Variants in BPIFB6 observed in about 807,000 individuals in gnomAD.
The protein encoded by BPIFB6 is BPI fold containing family B member 6, also known as BPI fold-containing family B member 6.
A neutral mutation model predicts 54.7 loss-of-function variants in BPIFB6; 47 were observed. That is an observed-to-expected ratio of 0.86 (90% CI 0.68 to 1.10). BPIFB6 has a LOEUF of 1.10. Among genes scored for constraint, BPIFB6 ranks in the 50% least tolerant of loss-of-function variants. The pLI is 0.00. For missense variants in BPIFB6, 603 were observed against 564.1 expected (o/e 1.07, Z -0.70); for synonymous variants, 255 against 225.9 (o/e 1.13, Z -1.16).
At chr20:33,040,678 G>A (rs11907608) in intron 11 of BPIFB6, among the ~76,000 whole-genome samples, 5,283 of 152,240 alleles carry the variant, frequency 0.035, 303 homozygotes, top group African/African-American at 0.12. Context: ...CCTCCTCCAC[G>A]AAGCCTTTCC....
In BPIFB6 at chr20:33,040,325, C is replaced by CAG. The variant is rs754386025; in HGVS notation, c.1142+7_1142+8insAG. The CAG allele has an allele frequency of 1.2e-6, 2 of 1,613,310 alleles. No homozygotes were observed. Among genetic ancestry groups the CAG allele is most frequent in the African/African-American group, 2.7e-5 (2 of 74,886 alleles). On this transcript the variant is annotated splice_region_variant and intron_variant, in intron 11 of 14. Transcript: ENST00000349552. ...TGGCCACTTCTTTGGACAGGTACGA[C>CAG]CCTGCTGCCCAATGCTGGCATCCCT... is the stretch of plus-strand genomic sequence containing the variant.
chr20:33,042,451 A>G (rs1037107785), intron 12 of BPIFB6, among the ~76,000 whole-genome samples: 1 of 152,120 alleles, frequency 6.6e-6, no homozygotes, highest in Non-Finnish European at 1.5e-5. Flanking sequence ...ATTATAGTTC[A>G]CTTTCAAAGG....
chr20:33,039,341 C>T lies in BPIFB6; in HGVS notation c.901-6C>T. 6.2e-7 allele frequency: 1 copy of T among 1,606,084 alleles called. No homozygotes were observed. Among genetic ancestry groups the T allele is most frequent in the Non-Finnish European group, 8.5e-7 (1 of 1,177,066 alleles). ...GGCCCTGAGTGAAGTGTTCTGGTTT[C>T]TGTAGGTGGCTGTAGCTTATCCCAA... is the stretch of plus-strand genomic sequence containing the variant. On this transcript the variant is annotated splice_polypyrimidine_tract_variant and splice_region_variant and intron_variant, in intron 9 of 14. Coordinates refer to ENST00000349552, the MANE Select transcript of BPIFB6 (RefSeq NM_174897.2).
intron 10 of BPIFB6, 28 bp downstream of exon 10, chr20:33,039,548 T>G: frequency 1.3e-6 from 2 of 1,588,068 alleles, no homozygotes; most frequent in Non-Finnish European, 1.7e-6. Flanking sequence ...CTTCCCCATT[T>G]ATTCCCAATC....
chr20:33,034,929 C>A lies in BPIFB6; in HGVS notation c.452+17C>A. On this transcript the variant is annotated intron_variant, in intron 4 of 14. Transcript: ENST00000349552. ...GCCTAGCAAGTGAGGGGCTCTGTGG[C>A]TGGGGAGGAAGGCCGGTCCATATTG... 6.2e-7 allele frequency: 1 copy of A among 1,606,454 alleles called. No individual in the cohort carries two copies. Among genetic ancestry groups the A allele is most frequent in the Non-Finnish European group, 8.5e-7 (1 of 1,174,188 alleles).
intron 3 of BPIFB6, among the ~76,000 whole-genome samples, 194 bp from the exon 4 acceptor site, chr20:33,034,569 T>G (rs1334880223): frequency 1.3e-5 from 2 of 151,922 alleles, no homozygotes; most frequent in Admixed American, 6.6e-5. Context: ...TGTGTAGGGG[T>G]TCACCAAAAC....
At chr20:33,042,077 C>G (rs958739822) in intron 12 of BPIFB6, 62 bp downstream of exon 12, 3 of 1,534,054 alleles carry the variant, frequency 2.0e-6, no homozygotes, top group Admixed American at 3.3e-5. Flanking sequence ...TATTCTCCCT[C>G]GGAACTACAG....
chr20:33,041,901 G>A, intron 11 of BPIFB6, 69 bp from the exon 12 acceptor site: 1 of 1,470,966 alleles, frequency 6.8e-7, no homozygotes, highest in Non-Finnish European at 9.5e-7. Context: ...CCCTTCTCCA[G>A]CGCCAGGGCC....
At chr20:33,036,758 CTGACT>C (rs1401995713) in intron 7 of BPIFB6, among the ~76,000 whole-genome samples, 1 of 152,194 alleles carries the variant, frequency 6.6e-6, no homozygotes, top group East Asian at 1.9e-4. Flanking sequence ...TCTGGGGCTG[CTGACT>C]TCACACTCAT....
chr20:33,031,946 C>T (rs1979120517), intron 1 of BPIFB6, among the ~76,000 whole-genome samples: 1 of 152,160 alleles, frequency 6.6e-6, no homozygotes, highest in East Asian at 1.9e-4. Flanking sequence ...CCCATGCTCC[C>T]CCTGCAAGTT....
chr20:33,041,355 A>G (rs74787057), intron 11 of BPIFB6, among the ~76,000 whole-genome samples: 1 of 152,120 alleles, frequency 6.6e-6, no homozygotes, highest in Admixed American at 6.5e-5. Flanking sequence ...CTCCTTGAGA[A>G]TCTATCTCCT....
At chr20:33,039,916 G>C (rs1183504312) in intron 10 of BPIFB6, among the ~76,000 whole-genome samples, 3 of 152,200 alleles carry the variant, frequency 2.0e-5, no homozygotes, top group Non-Finnish European at 4.4e-5. Flanking sequence ...GGGACAGAGA[G>C]TCTTACCAGG....
chr20:33,042,158 C>A (rs563419509), intron 12 of BPIFB6, 143 bp downstream of exon 12: 2 of 778,272 alleles, frequency 2.6e-6, no homozygotes, highest in African/African-American at 3.5e-5. Flanking sequence ...CCTGACTTGC[C>A]GTGTGAGCTT....
chr20:33,034,106 C>T, intron 2 of BPIFB6, 80 bp from the exon 3 acceptor site: 3 of 978,860 alleles, frequency 3.1e-6, no homozygotes, highest in Non-Finnish European at 5.0e-6. Context: ...AAAGTCTTCC[C>T]AGTAAAGTGG....
chr20:33,040,325 C>A lies in BPIFB6; in HGVS notation c.1142+7C>A, dbSNP rs971822347. 1.2e-6 allele frequency: 2 copies of A among 1,613,428 alleles called. No homozygotes were observed. Among genetic ancestry groups the A allele is most frequent in the Admixed American group, 1.7e-5 (1 of 60,014 alleles). Reference sequence around the variant, plus strand: ...TGGCCACTTCTTTGGACAGGTACGACCCTGCTGCCCAATGCTGGCATCCCT... The same window carrying A: ...TGGCCACTTCTTTGGACAGGTACGAACCTGCTGCCCAATGCTGGCATCCCT... On this transcript the variant is annotated splice_region_variant and intron_variant, in intron 11 of 14. Transcript: ENST00000349552.
rs773179885 is a variant in BPIFB6, at chr20:33,037,629, C to T, written c.737C>T (p.Pro246Leu). Residue 246 changes from proline (P) to leucine (L), a missense_variant, in exon 8 of 15, where the codon CCT (proline) becomes CTT (leucine). Coordinates refer to ENST00000349552, the MANE Select transcript of BPIFB6 (RefSeq NM_174897.2). ...GATGCCGGGGAGGCCCTCACGTTCCCTGAGGGTTATGCCAAAGGCTCGTCG... is the reference window on the plus strand; with the variant it reads ...GATGCCGGGGAGGCCCTCACGTTCCTTGAGGGTTATGCCAAAGGCTCGTCG... ...LADAGEALTF[P>L]EGYAKGSSQL... 6.2e-7 allele frequency: 1 copy of T among 1,614,106 alleles called. No homozygotes were observed. The highest frequency in any genetic ancestry group is 1.1e-5 in the South Asian group (1 of 91,074).
intron 8 of BPIFB6, among the ~76,000 whole-genome samples, chr20:33,038,621 C>T (rs896815885): frequency 2.0e-5 from 3 of 152,180 alleles, no homozygotes; most frequent in African/African-American, 7.2e-5. Flanking sequence ...AATATGTCTA[C>T]CCATCCCCTT....
chr20:33,032,674 T>C (rs761968799), intron 1 of BPIFB6, among the ~76,000 whole-genome samples: 26 of 152,224 alleles, frequency 1.7e-4, no homozygotes, highest in Non-Finnish European at 3.5e-4. Flanking sequence ...TCCAGACTGA[T>C]ATCTTTTATC....
chr20:33,032,894 C>T, intron 1 of BPIFB6, 90 bp from the exon 2 acceptor site: 3 of 1,040,382 alleles, frequency 2.9e-6, no homozygotes. Context: ...ATCGTCCAGC[C>T]CAGGGTGGGG....
Sources: gnomAD v4.1 joint callset for allele counts (sites outside exome capture counted in the v4.1 genomes callset) on GRCh38, gnomAD v4.1.1 for gene constraint, MANE v1.5 for transcripts, NCBI Gene and HGNC (gene_info 2026-07-23, HGNC 2026-07-21) for gene names.